The following MACF1 variants were observed in gnomAD, a reference collection of about 807,000 sequenced individuals.
The protein encoded by MACF1 is microtubule actin crosslinking factor 1, also known as microtubule-actin cross-linking factor 1.
A neutral mutation model predicts 854.8 loss-of-function variants in MACF1; 193 were observed. That is an observed-to-expected ratio of 0.23 (90% confidence interval 0.20 to 0.25). The LOEUF is 0.25. Among genes scored for constraint, MACF1 ranks in the 10% least tolerant of loss-of-function variants. The probability of loss-of-function intolerance (pLI) is 1.00; values close to 1 mark genes in which losing one functional copy is unlikely to be tolerated. For missense variants in MACF1, 7,722 were observed against 8,929.1 expected (o/e 0.86, Z 5.45); for synonymous variants, 3,185 against 3,226.7 (o/e 0.99, Z 0.44).
In MACF1 at chr1:39,092,862, C is replaced by A. The variant is rs61345378; in HGVS notation, c.220+8424C>A. On this transcript the variant is annotated intron_variant, in intron 2 of 93. Coordinates refer to the MACF1 transcript ENST00000361689. ...GCTGTGGTGCCATCTCAGCTCACTG[C>A]AACCTCCGCCTCCCGGGTTCAAGCA... Among the ~76,000 whole-genome samples the A allele has an allele frequency of 1.6e-3, 236 of 152,124 alleles. 1 individual carries two copies. Among genetic ancestry groups the A allele is most frequent in the African/African-American group, 5.2e-3 (216 of 41,504 alleles).
At chr1:39,324,423 A>T in intron 34 of MACF1, 78 bp downstream of exon 34, 1 of 1,515,628 alleles carries the variant, frequency 6.6e-7, no homozygotes, top group Non-Finnish European at 8.9e-7. Context: ...TAGAAGTCAC[A>T]TGTGGGCCAT....
rs772225591 is a variant in MACF1 at position 39,441,938 on chromosome 1, G to A, written c.18673-14G>A. On this transcript the variant is annotated splice_polypyrimidine_tract_variant and intron_variant, in intron 74 of 100. Coordinates refer to ENST00000564288, the MANE Select transcript of MACF1 (RefSeq NM_001394062.1). The stretch of plus-strand genomic sequence containing the variant: ...TCTGGTTGTTTTTGACTGTTTACTT[G>A]TCTTTTGTTCTAGGCTATGTTTGAC... 2.5e-6 allele frequency: 4 copies of A among 1,603,844 alleles called. No individual in the cohort carries two copies. Among genetic ancestry groups the A allele is most frequent in the Non-Finnish European group, 2.6e-6 (3 of 1,171,286 alleles).
intron 2 of MACF1, among the ~76,000 whole-genome samples, chr1:39,178,342 C>T (rs949691902): frequency 6.6e-6 from 1 of 152,114 alleles, no homozygotes; most frequent in Admixed American, 6.6e-5. Context: ...TGTACTAACA[C>T]CTTTCCTGAA....
At position 39,310,256 on chromosome 1, in the gene MACF1, A is replaced by C; in HGVS notation, c.2928A>C (p.Ser976=). The C allele has an allele frequency of 1.2e-6, 2 of 1,609,374 alleles. No homozygotes were observed. The highest frequency in any genetic ancestry group is 1.7e-6 in the Non-Finnish European group (2 of 1,178,574). The change falls in exon 25 of 101, where the codon TCA becomes TCC. Residue 976 remains serine (S), a synonymous_variant. Transcript: ENST00000564288. ...QTWNLEKLRS[S]APGECHQIMK... ...CTTTTTCTTTCTAGCTTCGATCCTC[A>C]GCACCAGGGGAGTGCCATCAGATTA...
chr1:39,284,782 G>A (rs984078036), intron 11 of MACF1, among the ~76,000 whole-genome samples: 2 of 152,192 alleles, frequency 1.3e-5, no homozygotes, highest in Non-Finnish European at 1.5e-5. Flanking sequence ...TGAAGTTGTA[G>A]AAATGAGAAT....
Position 39,447,677 on chromosome 1 carries a change from C to T in MACF1, c.19762-15C>T. 1.9e-6 allele frequency: 3 copies of T among 1,614,038 alleles called. No homozygotes were observed. The highest frequency in any genetic ancestry group is 2.5e-6 in the Non-Finnish European group (3 of 1,179,888). On this transcript the variant is annotated splice_polypyrimidine_tract_variant and intron_variant, in intron 81 of 100. Coordinates refer to ENST00000564288, the MANE Select transcript of MACF1 (RefSeq NM_001394062.1). ...TCTTATCTTAAGCTAAAAAAGAGCA[C>T]TATTGTTCCCTCAGGTTTTTGCTAA...
intron 26 of MACF1, among the ~76,000 whole-genome samples, chr1:39,314,026 G>T (rs1646356452): frequency 6.6e-6 from 1 of 152,200 alleles, no homozygotes; most frequent in South Asian, 2.1e-4. Context: ...TTTGGGCAGA[G>T]AATATTATTT....
intron 26 of MACF1, among the ~76,000 whole-genome samples, chr1:39,313,936 A>G (rs1340561898): frequency 1.3e-5 from 2 of 152,150 alleles, no homozygotes; most frequent in African/African-American, 4.8e-5. Flanking sequence ...TTTTTGACAA[A>G]ATAAGATCTT....
chr1:39,404,530 C>T (rs1031637149), intron 58 of MACF1, among the ~76,000 whole-genome samples: 11 of 152,064 alleles, frequency 7.2e-5, no homozygotes, highest in African/African-American at 2.7e-4. Flanking sequence ...CTCACTCTGT[C>T]GCCAGGCTAG....
chr1:39,432,675 G>A (rs200294994), intron 67 of MACF1, 21 bp downstream of exon 67: 8 of 1,608,394 alleles, frequency 5.0e-6, no homozygotes, highest in Non-Finnish European at 6.8e-6. Context: ...ACTCTTTCCT[G>A]AGCTAATAGA....
chr1:39,314,069 T>C (rs982448031), intron 26 of MACF1, among the ~76,000 whole-genome samples: 1 of 152,216 alleles, frequency 6.6e-6, no homozygotes, highest in Admixed American at 6.5e-5. Flanking sequence ...AATGTATTCA[T>C]TGTTGTTGGA....
intron 2 of MACF1, among the ~76,000 whole-genome samples, chr1:39,125,483 A>G (rs534547208): frequency 2.0e-5 from 3 of 152,232 alleles, no homozygotes; most frequent in Non-Finnish European, 4.4e-5. Context: ...TGGATACTCA[A>G]TATCCGTGAG....
chr1:39,153,539 G>C (rs888301409), intron 2 of MACF1, among the ~76,000 whole-genome samples: 1 of 152,154 alleles, frequency 6.6e-6, no homozygotes, highest in Non-Finnish European at 1.5e-5. Context: ...CTAAAGCATG[G>C]GCTCTTTTAA....
rs1646568800 is a variant in MACF1, at chr1:39,324,285, A to G, written c.4329A>G (p.Lys1443=). ...VSTLARNTQG[K]ATSSETKEST... is the part of the protein sequence containing the mutation. ...CCCTAGCGAGGAATACACAAGGAAA[A>G]GCTACCTCATCCGAGACCAAAGAAT... Residue 1443 remains lysine, a synonymous_variant, in exon 34 of 101, where the codon AAA becomes AAG. Coordinates refer to ENST00000564288, the MANE Select transcript of MACF1 (RefSeq NM_001394062.1). 6.2e-7 allele frequency: 1 copy of G among 1,613,936 alleles called. No individual in the cohort carries two copies. Among genetic ancestry groups the G allele is most frequent in the Non-Finnish European group, 8.5e-7 (1 of 1,179,948 alleles).
At chr1:39,238,521 CG>C (rs1278195436) in intron 2 of MACF1, among the ~76,000 whole-genome samples, 1 of 152,138 alleles carries the variant, frequency 6.6e-6, no homozygotes, top group Non-Finnish European at 1.5e-5. Context: ...TGTCTCTAAC[CG>C]TTGGAGGAAC....
intron 23 of MACF1, among the ~76,000 whole-genome samples, chr1:39,308,909 G>A (rs2148431599): frequency 6.6e-6 from 1 of 152,262 alleles, no homozygotes; most frequent in African/African-American, 2.4e-5. Flanking sequence ...GCCCGCCTCA[G>A]CCTCCCAAAG....
At chr1:39,383,419 A>G (rs1650415596) in intron 56 of MACF1, among the ~76,000 whole-genome samples, 1 of 152,254 alleles carries the variant, frequency 6.6e-6, no homozygotes. Flanking sequence ...AGGATCCCCA[A>G]GAGCTTGTGT....
intron 37 of MACF1, among the ~76,000 whole-genome samples, 177 bp downstream of exon 37, chr1:39,336,830 T>C (rs774056277): frequency 6.6e-6 from 1 of 152,230 alleles, no homozygotes; most frequent in Non-Finnish European, 1.5e-5. Context: ...AGCAAAGTTG[T>C]TGGAAAATTA....
At chr1:39,456,193 G>T (rs977520518) in intron 89 of MACF1, among the ~76,000 whole-genome samples, 10 of 152,178 alleles carry the variant, frequency 6.6e-5, no homozygotes, top group African/African-American at 2.2e-4. Context: ...AATTAGTCGG[G>T]TGTGGTTGTG....
Sources: gnomAD v4.1 joint callset for allele counts (sites outside exome capture counted in the v4.1 genomes callset) on GRCh38, gnomAD v4.1.1 for gene constraint, MANE v1.5 for transcripts, NCBI Gene and HGNC (gene_info 2026-07-23, HGNC 2026-07-21) for gene names.